Variants in SYBU observed in about 807,000 individuals in gnomAD.
The protein encoded by SYBU is GOLSYN A protein.
SYBU carries 21 observed loss-of-function variants against 35.9 expected under a neutral mutation model. The observed-to-expected ratio is 0.58, with a 90% CI of 0.41 to 0.84. The LOEUF (loss-of-function observed/expected upper bound fraction) is 0.84. Among genes scored for constraint, SYBU ranks in the 40% least tolerant of loss-of-function variants. SYBU has a pLI of 0.00. For missense variants in SYBU, 768 were observed against 848.2 expected, an observed-to-expected ratio of 0.91 and a Z score of 1.17; for synonymous variants, 319 against 324.3, an observed-to-expected ratio of 0.98 and a Z score of 0.18.
At chr8:109,631,552 G>A (rs1038878051) in intron 2 of SYBU, among the ~76,000 whole-genome samples, 39 of 152,134 alleles carry the variant, frequency 2.6e-4, no homozygotes, top group African/African-American at 7.5e-4. Context: ...TCTGGAACAC[G>A]GGCCGAGTAC....
At chr8:109,594,524 C>T (rs1824645748) in intron 3 of SYBU, among the ~76,000 whole-genome samples, 1 of 152,112 alleles carries the variant, frequency 6.6e-6, no homozygotes, top group Non-Finnish European at 1.5e-5. Flanking sequence ...AAACTCACTT[C>T]TGTACTTAAA....
chr8:109,666,446 C>A (rs1816756430), intron 1 of SYBU, among the ~76,000 whole-genome samples: 1 of 152,032 alleles, frequency 6.6e-6, no homozygotes, highest in Non-Finnish European at 1.5e-5. Context: ...TCCTAGGAGA[C>A]AAGATCATCC....
intron 3 of SYBU, among the ~76,000 whole-genome samples, chr8:109,614,989 C>T (rs1259344650): frequency 2.0e-5 from 3 of 152,146 alleles, no homozygotes; most frequent in Non-Finnish European, 2.9e-5. Context: ...AGCCCTTCCC[C>T]GAGGTCCTGT....
intron 3 of SYBU, among the ~76,000 whole-genome samples, chr8:109,593,058 T>A (rs1328464998): frequency 6.6e-6 from 1 of 152,200 alleles, no homozygotes; most frequent in Admixed American, 6.5e-5. Context: ...ATCTGGGAAG[T>A]TTAATAATAG....
At chr8:109,651,209 G>C (rs1014118885) in intron 1 of SYBU, among the ~76,000 whole-genome samples, 1 of 152,134 alleles carries the variant, frequency 6.6e-6, no homozygotes, top group Non-Finnish European at 1.5e-5. Flanking sequence ...AAAAGTTGCT[G>C]GTGGGGAATT....
Position 109,575,206 on chromosome 8 carries a change from C to T in SYBU, c.1692G>A (p.Val564=), listed in dbSNP as rs1172350581. ...LSPVETPYAN[V]DAEVHANRLM... Reference sequence around the variant, plus strand: ...GGCGGTTTGCATGAACTTCTGCATCCACATTGGCGTAGGGGGTCTCCACGG... The same window carrying T: ...GGCGGTTTGCATGAACTTCTGCATCTACATTGGCGTAGGGGGTCTCCACGG... The change falls in exon 7 of 7, where the codon GTG becomes GTA. Residue 564 remains valine, a synonymous_variant. Transcript: ENST00000276646. 6 of 1,614,212 alleles carry T rather than the reference C, an allele frequency of 3.7e-6. No individual in the cohort carries two copies. In the East Asian group the frequency reaches 1.3e-4, roughly 36 times the overall value.
chr8:109,604,632 C>G (rs1031251894), intron 3 of SYBU, among the ~76,000 whole-genome samples: 9 of 152,062 alleles, frequency 5.9e-5, no homozygotes, highest in Non-Finnish European at 8.8e-5. Flanking sequence ...TGAGAATGAC[C>G]CAGTGTTGCA....
At chr8:109,653,452 TG>T (rs1215018061) in intron 1 of SYBU, among the ~76,000 whole-genome samples, 2 of 152,078 alleles carry the variant, frequency 1.3e-5, no homozygotes, top group African/African-American at 4.8e-5. Flanking sequence ...TCTCCCATGG[TG>T]GATTCAATGC....
intron 6 of SYBU, among the ~76,000 whole-genome samples, chr8:109,577,209 T>C (rs1415388954): frequency 1.3e-5 from 2 of 152,152 alleles, no homozygotes; most frequent in Non-Finnish European, 2.9e-5. Context: ...AGAATGCACA[T>C]GCCACCCTCA....
chr8:109,686,196 A>AG (rs2130789559), intron 1 of SYBU, among the ~76,000 whole-genome samples: 2 of 151,538 alleles, frequency 1.3e-5, no homozygotes, highest in South Asian at 4.2e-4. Flanking sequence ...ACTGAGGAAG[A>AG]GCCCGTTTCA....
intron 1 of SYBU, among the ~76,000 whole-genome samples, chr8:109,650,599 C>CCACT (rs1418998621): frequency 6.6e-6 from 1 of 152,170 alleles, no homozygotes; most frequent in South Asian, 2.1e-4. Context: ...TTCCTGTGAA[C>CCACT]CACTGTCCTT....
At position 109,642,831 on chromosome 8, in the gene SYBU, G is replaced by T; in HGVS notation, c.126C>A (p.Ser42=). Residue 42 remains serine (S), a synonymous_variant, in exon 2 of 7, where the codon TCC becomes TCA. Transcript: ENST00000276646. ...CAGAGAAAGGAGACTCAGAGGCTGG[G>T]GACACTTTGTGCTGTTGTTGGGGCA... ...PHMPQQQHKV[S]PASESPFSEE... 1 of 1,613,152 alleles carries T rather than the reference G, an allele frequency of 6.2e-7. No homozygotes were observed. Among genetic ancestry groups the T allele is most frequent in the Non-Finnish European group, 8.5e-7 (1 of 1,179,562 alleles).
upstream of SYBU, among the ~76,000 whole-genome samples, chr8:109,648,319 A>T (rs1815928896): frequency 6.8e-6 from 1 of 148,136 alleles, no homozygotes; most frequent in African/African-American, 2.5e-5. Context: ...GAGATAGGGT[A>T]TTGTAGACTG....
At chr8:109,624,008 T>C (rs1812713934) in intron 2 of SYBU, among the ~76,000 whole-genome samples, 1 of 152,202 alleles carries the variant, frequency 6.6e-6, no homozygotes, top group African/African-American at 2.4e-5. Flanking sequence ...TTATCTGTCA[T>C]TGAAAATTTC....
chr8:109,606,005 T>C (rs1362024653), intron 3 of SYBU, among the ~76,000 whole-genome samples: 2 of 152,202 alleles, frequency 1.3e-5, no homozygotes, highest in East Asian at 3.8e-4. Flanking sequence ...CAAAACAATT[T>C]CATATATATA....
intron 3 of SYBU, among the ~76,000 whole-genome samples, chr8:109,599,623 G>T (rs980729923): frequency 6.6e-6 from 1 of 152,106 alleles, no homozygotes; most frequent in Admixed American, 6.5e-5. Context: ...TTCTCCACCT[G>T]AGGCCATCAT....
intron 1 of SYBU, among the ~76,000 whole-genome samples, chr8:109,666,626 T>C (rs756158149): frequency 6.6e-6 from 1 of 152,076 alleles, no homozygotes; most frequent in Admixed American, 6.5e-5. Context: ...CTGTAATCCT[T>C]GCTATTTGGG....
chr8:109,575,213 G>A lies in SYBU; in HGVS notation c.1685C>T (p.Ala562Val). 1.2e-6 allele frequency: 2 copies of A among 1,614,234 alleles called. No homozygotes were observed. The highest frequency in any genetic ancestry group is 1.1e-5 in the South Asian group (1 of 91,086). The change falls in exon 7 of 7, where the codon GCC becomes GTC. Residue 562 changes from alanine to valine, a missense_variant. Coordinates refer to ENST00000276646, the MANE Select transcript of SYBU (RefSeq NM_001099754.2). Reference sequence around the variant, plus strand: ...TGCATGAACTTCTGCATCCACATTGGCGTAGGGGGTCTCCACGGGAGACAA... The same window carrying A: ...TGCATGAACTTCTGCATCCACATTGACGTAGGGGGTCTCCACGGGAGACAA... The part of the protein sequence containing the change: ...ILLSPVETPY[A>V]NVDAEVHANR...
At chr8:109,583,618 C>T (rs910907483) in intron 4 of SYBU, among the ~76,000 whole-genome samples, 3 of 152,126 alleles carry the variant, frequency 2.0e-5, no homozygotes, top group African/African-American at 7.2e-5. Flanking sequence ...AAAATTCATT[C>T]ACTACATGGG....
Sources: gnomAD v4.1 joint callset for allele counts (sites outside exome capture counted in the v4.1 genomes callset) on GRCh38, gnomAD v4.1.1 for gene constraint, MANE v1.5 for transcripts, NCBI Gene and HGNC (gene_info 2026-07-23, HGNC 2026-07-21) for gene names.